Variants in MYO16 observed in about 807,000 individuals in gnomAD.
MYO16 encodes the protein unconventional myosin-XVI.
In MYO16, 94 loss-of-function variants were observed where a neutral mutation model predicts 205.3. That is an observed-to-expected ratio of 0.46 (90% CI 0.39 to 0.54). The LOEUF is 0.54. Among genes scored for constraint, MYO16 ranks in the 20% least tolerant of loss-of-function variants. MYO16 has a pLI of 0.00. For synonymous variants in MYO16, 988 were observed against 954.0 expected (o/e 1.04, Z -0.66); for missense variants, 2,315 against 2,387.5 (o/e 0.97, Z 0.63).
rs530203296 is a variant in MYO16, at chr13:109,042,923, G to A, written c.2797-3993G>A. 1.2e-4 allele frequency among the ~76,000 whole-genome samples: 18 copies of A among 152,266 alleles called. No homozygotes were observed. In the South Asian group the frequency reaches 1.2e-3, roughly 11 times the overall value. On this transcript the variant is annotated intron_variant, in intron 23 of 34. Coordinates refer to ENST00000457511, the MANE Select transcript of MYO16 (RefSeq NM_001198950.3). ...AAACTGCCATCAGCAAATGTTTGTCGTTGTATGTGGATGTTAAATGCATTT... is the reference window on the plus strand; with the variant it reads ...AAACTGCCATCAGCAAATGTTTGTCATTGTATGTGGATGTTAAATGCATTT...
the MYO16 span, among the ~76,000 whole-genome samples, chr13:108,582,440 A>G: frequency 6.6e-6 from 1 of 152,334 alleles, no homozygotes; most frequent in African/African-American, 2.4e-5. Flanking sequence ...TAAAGAGAGG[A>G]TATTCTGACC....
At chr13:108,986,633 A>G (rs1301660241) in intron 20 of MYO16, among the ~76,000 whole-genome samples, 1 of 151,652 alleles carries the variant, frequency 6.6e-6, no homozygotes, top group Non-Finnish European at 1.5e-5. Flanking sequence ...AAAAAAAAAA[A>G]AAAAAAAAAA....
At position 108,608,083 on chromosome 13, in the gene MYO16, C is replaced by T. The variant is rs183024663; in HGVS notation, c.-39+11844C>T. 3.5e-4 allele frequency among the ~76,000 whole-genome samples: 53 copies of T among 152,270 alleles called. No individual in the cohort carries two copies. The South Asian group carries it at 3.9e-3, about 11-fold the overall frequency. ...TTCCTACAGCACTTTGTAATTCTAA[C>T]GATCGATAATTATCACTTTCAGTTT... On this transcript the variant is annotated intron_variant, in intron 1 of 24. Transcript: ENST00000251041.
At position 108,917,263 on chromosome 13, in the gene MYO16, G is replaced by A. The variant is rs540192424; in HGVS notation, c.1925+7113G>A. Among the ~76,000 whole-genome samples, 221 of 152,238 alleles carry A rather than the reference G, an allele frequency of 1.5e-3. 1 individual carries two copies. Among genetic ancestry groups the A allele is most frequent in the Non-Finnish European group, 1.3e-3 (89 of 68,008 alleles). ...TCAGCCCAGGTCTTAGGCCCATCCC[G>A]GGCCCCTAAGTTAAGGACAGAAGGA... On this transcript the variant is annotated intron_variant, in intron 16 of 34. Coordinates refer to ENST00000457511, the MANE Select transcript of MYO16 (RefSeq NM_001198950.3).
chr13:108,593,857 C>T (rs185452173), upstream of MYO16, among the ~76,000 whole-genome samples: 599 of 152,296 alleles, frequency 3.9e-3, 14 homozygotes, highest in South Asian at 0.076. Context: ...GCAATAATAC[C>T]TCACCTGCTG....
chr13:108,545,372 T>C, the MYO16 span, among the ~76,000 whole-genome samples: 3 of 152,230 alleles, frequency 2.0e-5, no homozygotes, highest in Non-Finnish European at 4.4e-5. Context: ...CCATGGTGTA[T>C]ATGTACTGTA....
chr13:108,730,583 T>C (rs1436759140), intron 4 of MYO16, among the ~76,000 whole-genome samples: 1 of 152,120 alleles, frequency 6.6e-6, no homozygotes, highest in East Asian at 1.9e-4. Context: ...TAAAAATAAA[T>C]TAGATATACT....
chr13:108,582,952 A>G, the MYO16 span, among the ~76,000 whole-genome samples: 6 of 152,224 alleles, frequency 3.9e-5, no homozygotes, highest in Admixed American at 6.5e-5. Context: ...TTAAAGTCAC[A>G]AAATTGTAAT....
At chr13:108,881,775 T>C (rs1879630785) in intron 12 of MYO16, among the ~76,000 whole-genome samples, 1 of 152,146 alleles carries the variant, frequency 6.6e-6, no homozygotes, top group Non-Finnish European at 1.5e-5. Flanking sequence ...GAACAAAGCC[T>C]CCAAGAAATA....
intron 34 of MYO16, among the ~76,000 whole-genome samples, chr13:109,181,618 G>A (rs1879453797): frequency 1.3e-5 from 2 of 152,098 alleles, no homozygotes; most frequent in Admixed American, 1.3e-4. Context: ...AAGATAAAAT[G>A]TCTGGGCGTT....
intron 21 of MYO16, among the ~76,000 whole-genome samples, chr13:109,001,972 A>G (rs1320148802): frequency 4.6e-5 from 7 of 152,104 alleles, no homozygotes; most frequent in Non-Finnish European, 5.9e-5. Context: ...TTAATATCTT[A>G]TATATACACA....
intron 8 of MYO16, 66 bp downstream of exon 8, chr13:108,820,478 C>A: frequency 7.7e-7 from 1 of 1,294,636 alleles, no homozygotes; most frequent in South Asian, 1.3e-5. Context: ...TTGGAGTAGC[C>A]ATCCATCTTC....
chr13:108,969,240 A>G (rs575685294), intron 20 of MYO16, among the ~76,000 whole-genome samples: 10 of 152,368 alleles, frequency 6.6e-5, no homozygotes, highest in Non-Finnish European at 1.3e-4. Context: ...CAATGAAAAT[A>G]TAATCTTAAA....
chr13:108,964,087 G>T (rs1182765593), intron 19 of MYO16, among the ~76,000 whole-genome samples: 1 of 152,188 alleles, frequency 6.6e-6, no homozygotes, highest in Non-Finnish European at 1.5e-5. Flanking sequence ...TGCCTGAGAC[G>T]CAATGGTCAG....
chr13:109,132,439 G>T (rs766859738), intron 31 of MYO16, among the ~76,000 whole-genome samples: 22 of 152,204 alleles, frequency 1.4e-4, no homozygotes, highest in Non-Finnish European at 2.1e-4. Context: ...GAAATAATAT[G>T]TCTTTTCTTT....
At position 108,762,207 on chromosome 13, in the gene MYO16, G is replaced by A. The variant is rs141168849; in HGVS notation, c.508-23428G>A. Among the ~76,000 whole-genome samples, 20 of 152,238 alleles carry A rather than the reference G, an allele frequency of 1.3e-4. No homozygotes were observed. In the East Asian group the frequency reaches 1.4e-3, roughly 10 times the overall value. On this transcript the variant is annotated intron_variant, in intron 4 of 34. Coordinates refer to ENST00000457511, the MANE Select transcript of MYO16 (RefSeq NM_001198950.3). ...TTTTGTGGCTAAGTAGTATTCCATCGTCTATAAATACCACATTTTCTTTAT... is the reference window on the plus strand; with the variant it reads ...TTTTGTGGCTAAGTAGTATTCCATCATCTATAAATACCACATTTTCTTTAT...
chr13:108,803,822 A>G (rs984298), intron 6 of MYO16, among the ~76,000 whole-genome samples: 109,524 of 152,038 alleles, frequency 0.72, 40,804 homozygotes, highest in East Asian at 1. Flanking sequence ...TGGGAAGGCC[A>G]AAGCAAGCAT....
intron 16 of MYO16, among the ~76,000 whole-genome samples, chr13:108,950,525 A>C (rs1566428213): frequency 6.6e-6 from 1 of 152,234 alleles, no homozygotes; most frequent in Non-Finnish European, 1.5e-5. Context: ...AGCTCATGAA[A>C]AAACATTGTG....
At chr13:109,167,898 A>G (rs1878753061) in intron 33 of MYO16, among the ~76,000 whole-genome samples, 2 of 152,204 alleles carry the variant, frequency 1.3e-5, no homozygotes, top group Non-Finnish European at 1.5e-5. Context: ...AAAAATAAAA[A>G]TGAAAGGAAT....
Sources: gnomAD v4.1 joint callset for allele counts (sites outside exome capture counted in the v4.1 genomes callset) on GRCh38, gnomAD v4.1.1 for gene constraint, MANE v1.5 for transcripts, NCBI Gene and HGNC (gene_info 2026-07-23, HGNC 2026-07-21) for gene names.